Variants in ANKS1B observed in about 807,000 individuals in gnomAD.
ANKS1B encodes ankyrin repeat and sterile alpha motif domain-containing protein 1B.
A neutral mutation model predicts 148.3 loss-of-function variants in ANKS1B; 36 were observed. That is an observed-to-expected ratio of 0.24 (90% CI 0.19 to 0.32). The LOEUF (loss-of-function observed/expected upper bound fraction) is 0.32. Among genes scored for constraint, ANKS1B ranks in the 10% least tolerant of loss-of-function variants. ANKS1B has a pLI of 1.00. For synonymous variants in ANKS1B, 542 were observed against 560.8 expected, an observed-to-expected ratio of 0.97 and a Z score of 0.47; for missense variants, 1,157 against 1,542.6, an observed-to-expected ratio of 0.75 and a Z score of 4.19.
intron 11 of ANKS1B, among the ~76,000 whole-genome samples, chr12:99,439,861 TAATGGTAAAC>T (rs559156633): frequency 9.9e-4 from 151 of 151,888 alleles, no homozygotes; most frequent in Middle Eastern, 3.4e-3. Context: ...TATTCACTCA[TAATGGTAAAC>T]AATGGGAAAC....
chr12:99,739,600 G>A (rs1341832613), intron 8 of ANKS1B, among the ~76,000 whole-genome samples: 3 of 152,012 alleles, frequency 2.0e-5, no homozygotes, highest in African/African-American at 4.8e-5. Flanking sequence ...ATTTCTAGCG[G>A]CCCATAATGT....
chr12:99,045,620 G>T (rs1314829097), intron 17 of ANKS1B, among the ~76,000 whole-genome samples: 1 of 152,180 alleles, frequency 6.6e-6, no homozygotes, highest in Non-Finnish European at 1.5e-5. Context: ...TAAGTAGCAT[G>T]AACTCTTGCT....
chr12:99,119,480 A>G (rs973913454), intron 15 of ANKS1B, among the ~76,000 whole-genome samples: 3 of 152,194 alleles, frequency 2.0e-5, no homozygotes, highest in Non-Finnish European at 4.4e-5. Flanking sequence ...GGGAAACTAA[A>G]TTAAGCATCC....
chr12:99,763,419 T>G (rs2153610827), intron 8 of ANKS1B, among the ~76,000 whole-genome samples: 1 of 152,254 alleles, frequency 6.6e-6, no homozygotes, highest in Admixed American at 6.5e-5. Context: ...TTGTTCTTAC[T>G]CGTAAGTGTG....
intron 1 of ANKS1B, among the ~76,000 whole-genome samples, chr12:99,832,584 C>A (rs1224386042): frequency 6.6e-6 from 1 of 151,828 alleles, no homozygotes; most frequent in East Asian, 1.9e-4. Context: ...ATTAGCCAGG[C>A]ATGGTGGTGC....
At chr12:99,720,548 T>G (rs1013594886) in intron 8 of ANKS1B, among the ~76,000 whole-genome samples, 1 of 152,202 alleles carries the variant, frequency 6.6e-6, no homozygotes, top group African/African-American at 2.4e-5. Flanking sequence ...TAGAACGGAC[T>G]AATGGTCTTT....
intron 9 of ANKS1B, among the ~76,000 whole-genome samples, chr12:99,623,602 A>G (rs930361049): frequency 2.6e-5 from 4 of 152,004 alleles, no homozygotes; most frequent in African/African-American, 9.7e-5. Flanking sequence ...CTATAAACCA[A>G]TAACATTTGG....
chr12:99,501,261 T>C (rs777141224), intron 10 of ANKS1B, among the ~76,000 whole-genome samples: 2 of 152,112 alleles, frequency 1.3e-5, no homozygotes, highest in African/African-American at 4.8e-5. Flanking sequence ...CTTGTTTTTG[T>C]TGGTTCCTGT....
chr12:98,909,338 T>C (rs1467748332), intron 17 of ANKS1B, among the ~76,000 whole-genome samples: 1 of 152,230 alleles, frequency 6.6e-6, no homozygotes, highest in Non-Finnish European at 1.5e-5. Context: ...TATAGTAACT[T>C]CAACGATGCT....
At chr12:99,456,795 C>A (rs12303550) in intron 10 of ANKS1B, among the ~76,000 whole-genome samples, 6,123 of 152,010 alleles carry the variant, frequency 0.04, 423 homozygotes, top group African/African-American at 0.14. Flanking sequence ...AAACCTAAAA[C>A]TAATTGATGT....
At chr12:99,205,222 A>G (rs73377322) in intron 14 of ANKS1B, among the ~76,000 whole-genome samples, 2 of 152,326 alleles carry the variant, frequency 1.3e-5, no homozygotes, top group African/African-American at 4.8e-5. Context: ...AGGATTAGAA[A>G]TTCCCCTTTA....
At chr12:98,925,824 T>C (rs546728674) in intron 17 of ANKS1B, among the ~76,000 whole-genome samples, 78 of 152,316 alleles carry the variant, frequency 5.1e-4, no homozygotes, top group African/African-American at 1.8e-3. Flanking sequence ...TCCATTCTTA[T>C]AGTTTGTCTT....
chr12:99,346,016 A>G (rs1300832718), intron 12 of ANKS1B, among the ~76,000 whole-genome samples: 1 of 151,974 alleles, frequency 6.6e-6, no homozygotes, highest in Non-Finnish European at 1.5e-5. Context: ...TATTTTTAGG[A>G]GCACTCTGCC....
intron 17 of ANKS1B, among the ~76,000 whole-genome samples, chr12:99,005,290 G>A (rs936533301): frequency 6.6e-6 from 1 of 152,038 alleles, no homozygotes; most frequent in African/African-American, 2.4e-5. Context: ...TGTTGTTGCT[G>A]TGGCCCGGTG....
At chr12:99,648,605 CG>C (rs1371964613) in intron 9 of ANKS1B, 16 of 1,614,086 alleles carry the variant, frequency 9.9e-6, no homozygotes, top group Non-Finnish European at 1.4e-5. Flanking sequence ...AAGCTTGCCA[CG>C]GGCCGCTCTT....
At chr12:99,570,182 T>C (rs183684617) in intron 9 of ANKS1B, among the ~76,000 whole-genome samples, 1 of 152,252 alleles carries the variant, frequency 6.6e-6, no homozygotes, top group Admixed American at 6.5e-5. Flanking sequence ...ATTTCACCCC[T>C]TCTCAACATC....
intron 12 of ANKS1B, among the ~76,000 whole-genome samples, chr12:99,381,206 C>T (rs1449753462): frequency 6.6e-6 from 1 of 152,290 alleles, no homozygotes; most frequent in Admixed American, 6.5e-5. Context: ...TCAAGCCACC[C>T]AGTTTGTGGT....
chr12:99,692,415 A>G (rs1008015565), intron 8 of ANKS1B, among the ~76,000 whole-genome samples: 4 of 152,170 alleles, frequency 2.6e-5, no homozygotes, highest in African/African-American at 9.7e-5. Flanking sequence ...TCATGCCTGT[A>G]ATCCCAGCAC....
chr12:99,318,634 T>G (rs769883168), intron 12 of ANKS1B, among the ~76,000 whole-genome samples: 2 of 152,216 alleles, frequency 1.3e-5, no homozygotes, highest in Non-Finnish European at 2.9e-5. Flanking sequence ...CCTGGATTCA[T>G]TGATTTTTTG....
Sources: gnomAD v4.1 joint callset for allele counts (sites outside exome capture counted in the v4.1 genomes callset) on GRCh38, gnomAD v4.1.1 for gene constraint, MANE v1.5 for transcripts, NCBI Gene and HGNC (gene_info 2026-07-23, HGNC 2026-07-21) for gene names.